Variants in MRTFA observed in about 807,000 individuals in gnomAD.
MRTFA encodes the protein myocardin-related transcription factor A.
A neutral mutation model predicts 83.5 loss-of-function variants in MRTFA; 20 were observed. The ratio of observed to expected loss-of-function variants is 0.24; its 90% CI spans 0.17 to 0.35. MRTFA has a LOEUF of 0.35. Ranked by LOEUF, MRTFA falls within the 10% of genes least tolerant of loss-of-function variation. The pLI, the probability that MRTFA is intolerant of heterozygous loss-of-function variation, is 1.00. For missense variants in MRTFA, 1,200 were observed against 1,224.7 expected (o/e 0.98, Z 0.30); for synonymous variants, 659 against 541.2 (o/e 1.22, Z -3.02).
In MRTFA at chr22:40,418,370, G is replaced by A; in HGVS notation, c.2364+4C>T. Reference sequence around the variant, plus strand: ...CCTGCCCGGTTCCTCCCATACCCAGGTACCTGCTGGGGGCTCCCACTGGAC... The same window carrying A: ...CCTGCCCGGTTCCTCCCATACCCAGATACCTGCTGGGGGCTCCCACTGGAC... On this transcript the variant is annotated splice_donor_region_variant and intron_variant, in intron 12 of 14. Coordinates refer to ENST00000355630, the MANE Select transcript of MRTFA (RefSeq NM_020831.6). 6.2e-7 allele frequency: 1 copy of A among 1,612,890 alleles called. No homozygotes were observed. Among genetic ancestry groups the A allele is most frequent in the Non-Finnish European group, 8.5e-7 (1 of 1,179,332 alleles).
At chr22:40,490,861 G>A (rs1422048422) in intron 3 of MRTFA, among the ~76,000 whole-genome samples, 1 of 152,116 alleles carries the variant, frequency 6.6e-6, no homozygotes, top group African/African-American at 2.4e-5. Context: ...TCCAAGATAG[G>A]AGAAGAAAAT....
At chr22:40,452,594 T>C (rs2053514012) in intron 4 of MRTFA, among the ~76,000 whole-genome samples, 1 of 151,794 alleles carries the variant, frequency 6.6e-6, no homozygotes, top group South Asian at 2.1e-4. Flanking sequence ...GAGGTCGAGG[T>C]GGACGGATCA....
chr22:40,578,882 C>G (rs144916403), intron 2 of MRTFA, among the ~76,000 whole-genome samples: 1 of 152,124 alleles, frequency 6.6e-6, no homozygotes, highest in African/African-American at 2.4e-5. Context: ...AAGATTGTGC[C>G]ACTGAACTTC....
chr22:40,445,054 A>T (rs1014624344), intron 4 of MRTFA, among the ~76,000 whole-genome samples: 28 of 152,202 alleles, frequency 1.8e-4, no homozygotes, highest in Admixed American at 1.7e-3. Flanking sequence ...GCAACAGAAT[A>T]AGAGCCTGTC....
chr22:40,413,295 A>C (rs531285092), intron 14 of MRTFA, among the ~76,000 whole-genome samples: 25 of 152,110 alleles, frequency 1.6e-4, no homozygotes, highest in African/African-American at 5.8e-4. Context: ...CATCTTTATC[A>C]AAAAACAACA....
chr22:40,615,565 C>T (rs1206821382), intron 1 of MRTFA, among the ~76,000 whole-genome samples: 1 of 152,090 alleles, frequency 6.6e-6, no homozygotes, highest in African/African-American at 2.4e-5. Context: ...GACTGGACAG[C>T]TTAACAATAT....
At chr22:40,463,131 T>C in intron 4 of MRTFA, 90 bp downstream of exon 4, 1 of 1,143,018 alleles carries the variant, frequency 8.7e-7, no homozygotes, top group Non-Finnish European at 1.3e-6. Context: ...TCATCCTTGT[T>C]TTATGTTAGA....
At chr22:40,626,304 T>C (rs2056581190) in intron 1 of MRTFA, among the ~76,000 whole-genome samples, 1 of 151,836 alleles carries the variant, frequency 6.6e-6, no homozygotes, top group African/African-American at 2.4e-5. Context: ...CTCGTTTTTT[T>C]TGAGATGAGG....
At chr22:40,470,229 TTTTATATATATATATATATATATA>T (rs1443202898) in intron 3 of MRTFA, among the ~76,000 whole-genome samples, 8,318 of 58,736 alleles carry the variant, frequency 0.14, 585 homozygotes, top group South Asian at 0.24. Flanking sequence ...ATCTCCAAAA[TTTTATATATATATATATATATATA>T]TATATATATA....
intron 2 of MRTFA, among the ~76,000 whole-genome samples, chr22:40,574,437 A>T (rs927489234): frequency 6.4e-5 from 9 of 140,152 alleles, no homozygotes; most frequent in African/African-American, 1.3e-4. Context: ...TATTATTATT[A>T]TTATTTTTTT....
intron 4 of MRTFA, among the ~76,000 whole-genome samples, chr22:40,441,768 C>CA (rs1200955919): frequency 6.6e-6 from 1 of 151,056 alleles, no homozygotes; most frequent in Non-Finnish European, 1.5e-5. Context: ...ACCTGGGTGA[C>CA]AGAGCAAGAC....
chr22:40,534,745 A>G (rs1029929278), intron 3 of MRTFA, among the ~76,000 whole-genome samples: 3 of 152,246 alleles, frequency 2.0e-5, no homozygotes, highest in African/African-American at 4.8e-5. Context: ...TGAATTTTTT[A>G]AAGTTGGAAA....
At chr22:40,440,345 AGTGGTG>A (rs1340568992) in intron 4 of MRTFA, among the ~76,000 whole-genome samples, 1 of 152,186 alleles carries the variant, frequency 6.6e-6, no homozygotes, top group African/African-American at 2.4e-5. Flanking sequence ...TCATTCATCG[AGTGGTG>A]GACCCCAACC....
chr22:40,587,512 G>A, intron 2 of MRTFA: 2 of 296,930 alleles, frequency 6.7e-6, no homozygotes, highest in South Asian at 6.4e-5. Flanking sequence ...CTCCTTGATT[G>A]TCTTGTAGCC....
intron 4 of MRTFA, among the ~76,000 whole-genome samples, chr22:40,455,541 G>A (rs973737158): frequency 2.6e-5 from 4 of 151,910 alleles, no homozygotes; most frequent in Non-Finnish European, 4.4e-5. Context: ...AGCTACTCAG[G>A]AGGCCGAGGC....
In MRTFA at chr22:40,416,629, C is replaced by T. The variant is rs561307062; in HGVS notation, c.2578+357G>A. Among the ~76,000 whole-genome samples the T allele has an allele frequency of 1.1e-3, 168 of 152,380 alleles. No homozygotes were observed. The highest frequency in any genetic ancestry group is 6.8e-3 in the Middle Eastern group (2 of 294). Reference sequence around the variant, plus strand: ...CCCACCAGGCTCCCCAGACCTCTCCCTCTCCTCCATTTTTGTCCTAAGGCT... The same window carrying T: ...CCCACCAGGCTCCCCAGACCTCTCCTTCTCCTCCATTTTTGTCCTAAGGCT... On this transcript the variant is annotated intron_variant, in intron 14 of 14. Transcript: ENST00000355630. The surrounding 1 kb of genome is among the most constrained non-coding windows in gnomAD (Gnocchi z 4.2).
chr22:40,619,243 G>T (rs1029861882), intron 1 of MRTFA, among the ~76,000 whole-genome samples: 2 of 152,146 alleles, frequency 1.3e-5, no homozygotes, highest in African/African-American at 2.4e-5. Flanking sequence ...GGCTGAGTGT[G>T]GTGGCTCACA....
At chr22:40,528,819 T>C (rs1174196908) in intron 3 of MRTFA, among the ~76,000 whole-genome samples, 1 of 152,076 alleles carries the variant, frequency 6.6e-6, no homozygotes, top group Non-Finnish European at 1.5e-5. Context: ...CAGCCTAGGA[T>C]GGCTTGAATG....
At chr22:40,619,410 G>C (rs2056492447) in intron 1 of MRTFA, among the ~76,000 whole-genome samples, 2 of 152,174 alleles carry the variant, frequency 1.3e-5, no homozygotes, top group Non-Finnish European at 1.5e-5. Flanking sequence ...ACAGAAAGAC[G>C]ATCCTCGTTT....
Sources: gnomAD v4.1 joint callset for allele counts (sites outside exome capture counted in the v4.1 genomes callset) on GRCh38, gnomAD v4.1.1 for gene constraint, Gnocchi (gnomAD v3.1) non-coding constraint, MANE v1.5 for transcripts, NCBI Gene and HGNC (gene_info 2026-07-23, HGNC 2026-07-21) for gene names.